Variants in SYN1 observed in about 807,000 individuals in gnomAD.
The protein encoded by SYN1 is synapsin-1.
SYN1 carries 8 observed loss-of-function variants against 44.6 expected under a neutral mutation model. That is an observed-to-expected ratio of 0.18 (90% CI 0.11 to 0.32). SYN1 has a LOEUF of 0.32. SYN1 is among the 10% of genes least tolerant of loss of function. SYN1 has a pLI of 1.00. For synonymous variants in SYN1, 275 were observed against 280.1 expected, an observed-to-expected ratio of 0.98 and a Z score of 0.18; for missense variants, 451 against 639.4, an observed-to-expected ratio of 0.71 and a Z score of 3.18.
At chrX:47,579,176 G>A in intron 5 of SYN1, among the ~76,000 whole-genome samples, 1 of 111,732 alleles carries the variant, frequency 8.9e-6, no homozygotes, top group Non-Finnish European at 1.9e-5. Flanking sequence ...CCAGAGAGCT[G>A]TGCGTACACA....
chrX:47,574,523 C>T lies in SYN1; in HGVS notation c.1461G>A (p.Pro487=). Reference sequence around the variant, plus strand: ...GGCCTGAAAGGTGCTGCTGGCCCTGCGGGGGCGGGCGCTGCTGCAATGGGG... The same window carrying T: ...GGCCTGAAAGGTGCTGCTGGCCCTGTGGGGGCGGGCGCTGCTGCAATGGGG... ...QGPPLQQRPP[P]QGQQHLSGLG... is the part of the protein sequence containing the mutation. The change falls in exon 12 of 13, where the codon CCG becomes CCA. Residue 487 remains proline, a synonymous_variant. Coordinates refer to ENST00000295987, the MANE Select transcript of SYN1 (RefSeq NM_006950.3). 9.3e-7 allele frequency: 1 copy of T among 1,079,562 alleles called. No homozygotes were observed. Among genetic ancestry groups the T allele is most frequent in the Non-Finnish European group, 1.2e-6 (1 of 835,891 alleles). The allele number at this position is 1,079,562 out of a possible 1,213,427, so 89.0% of individuals were successfully genotyped here.
intron 1 of SYN1, among the ~76,000 whole-genome samples, chrX:47,609,497 C>G (rs1273628278): frequency 2.7e-5 from 3 of 112,392 alleles, no homozygotes; most frequent in Non-Finnish European, 5.6e-5. Flanking sequence ...ACCCTCCTCA[C>G]AAGTGTTGAT....
At chrX:47,606,751 A>ATTTTTTTT (rs4066713) in intron 3 of SYN1, among the ~76,000 whole-genome samples, 194 bp downstream of exon 3, 1 of 93,255 alleles carries the variant, frequency 1.1e-5, no homozygotes, top group African/African-American at 4.0e-5. Flanking sequence ...ATATATATAT[A>ATTTTTTTT]TTTTTTTTTA....
At chrX:47,611,153 T>C (rs918140625) in intron 1 of SYN1, among the ~76,000 whole-genome samples, 1 of 111,789 alleles carries the variant, frequency 8.9e-6, no homozygotes, top group Non-Finnish European at 1.9e-5. Context: ...GCTGTTTCAG[T>C]AGGGAAGTCC....
chrX:47,604,304 G>C (rs1285349667), intron 5 of SYN1, among the ~76,000 whole-genome samples: 1 of 110,806 alleles, frequency 9.0e-6, no homozygotes, highest in African/African-American at 3.3e-5. Flanking sequence ...CCAAGCTGGA[G>C]TGCAGTGGCG....
chrX:47,583,017 TA>T (rs752868020), intron 5 of SYN1, among the ~76,000 whole-genome samples: 33 of 88,891 alleles, frequency 3.7e-4, no homozygotes, highest in African/African-American at 1.4e-3. Flanking sequence ...TTATATCTCT[TA>T]ATATACACAA....
chrX:47,583,436 G>T, intron 5 of SYN1: 1 of 1,207,035 alleles, frequency 8.3e-7, no homozygotes. Context: ...TTGAGCCCCT[G>T]GCTTCTGGCA....
At chrX:47,606,915 A>C in intron 3 of SYN1, 30 bp downstream of exon 3, 3 of 1,183,462 alleles carry the variant, frequency 2.5e-6, no homozygotes, top group Non-Finnish European at 3.4e-6. Flanking sequence ...TGCCTTGCTC[A>C]TAACACCAAG....
At position 47,615,939 on chromosome X, in the gene SYN1, TG is replaced by T. The variant is rs764617634; in HGVS notation, c.377+3412del. The stretch of plus-strand genomic sequence containing the variant: ...ACACAGGACAAAATTACCCACAAAA[TG>T]GGGGAGATGAGTCTCAACTTAGAGT... On this transcript the variant is annotated intron_variant, in intron 1 of 12. Coordinates refer to ENST00000295987, the MANE Select transcript of SYN1 (RefSeq NM_006950.3). Among the ~76,000 whole-genome samples the T allele has an allele frequency of 1.8e-4, 19 of 108,164 alleles. 1 individual carries two copies. Among genetic ancestry groups the T allele is most frequent in the Non-Finnish European group, 3.3e-4 (17 of 52,104 alleles). The allele number at this position is 108,164 out of a possible 115,157, so 93.9% of individuals were successfully genotyped here.
At chrX:47,580,364 C>T (rs2057792876) in intron 5 of SYN1, among the ~76,000 whole-genome samples, 1 of 109,103 alleles carries the variant, frequency 9.2e-6, no homozygotes, top group African/African-American at 3.3e-5. Flanking sequence ...GGTGCCGTAG[C>T]TCACGCATGT....
At chrX:47,589,539 T>C (rs1265713270) in intron 5 of SYN1, among the ~76,000 whole-genome samples, 1 of 93,228 alleles carries the variant, frequency 1.1e-5, no homozygotes, top group Non-Finnish European at 2.1e-5. Context: ...GAGCTTGCAG[T>C]GAGCTGAGAT....
At chrX:47,592,390 G>A (rs1301223937) in intron 5 of SYN1, among the ~76,000 whole-genome samples, 1 of 110,717 alleles carries the variant, frequency 9.0e-6, no homozygotes, top group Non-Finnish European at 1.9e-5. Context: ...TTCGTAAAAT[G>A]TCTGGTGGCA....
At position 47,607,153 on chromosome X, in the gene SYN1, A is replaced by C; in HGVS notation, c.423T>G (p.Ile141Met). 8.3e-7 allele frequency: 1 copy of C among 1,211,269 alleles called. No individual in the cohort carries two copies. Among genetic ancestry groups the C allele is most frequent in the East Asian group, 3.0e-5 (1 of 33,817 alleles). The change falls in exon 2 of 13, where the codon ATT becomes ATG. Residue 141 changes from isoleucine to methionine, a missense_variant. Coordinates refer to ENST00000295987, the MANE Select transcript of SYN1 (RefSeq NM_006950.3). ...TGTCCCAACTTACCTGTTCTACTTTAATGTCAATTTCTCCATGGATCTTTT... is the reference window on the plus strand; with the variant it reads ...TGTCCCAACTTACCTGTTCTACTTTCATGTCAATTTCTCCATGGATCTTTT... The part of the protein sequence containing the change: ...KGKKIHGEID[I>M]KVEQAEFSDL...
At chrX:47,586,544 C>T in intron 5 of SYN1, 1 of 1,211,899 alleles carries the variant, frequency 8.3e-7, no homozygotes, top group Non-Finnish European at 1.1e-6. Flanking sequence ...TATCCATCCC[C>T]TGCAAACTGC....
intron 5 of SYN1, among the ~76,000 whole-genome samples, chrX:47,601,972 A>C (rs1210032711): frequency 8.9e-6 from 1 of 112,513 alleles, no homozygotes; most frequent in Non-Finnish European, 1.9e-5. Flanking sequence ...CATGTCAATA[A>C]ACACAGAAGA....
rs34092010 is a variant in SYN1, at chrX:47,608,886, G to GACACACAC, written c.378-1696_378-1689dup. 4.0e-3 allele frequency among the ~76,000 whole-genome samples: 359 copies of GACACACAC among 89,534 alleles called. 2 individuals carry two copies. Among genetic ancestry groups the GACACACAC allele is most frequent in the Middle Eastern group, 5.5e-3 (1 of 181 alleles). The allele number at this position is 89,534 out of a possible 115,157, so 77.7% of individuals were successfully genotyped here. On this transcript the variant is annotated intron_variant, in intron 1 of 12. Coordinates refer to ENST00000295987, the MANE Select transcript of SYN1 (RefSeq NM_006950.3). ...ACACATACAATCAGGGTCTTGGACAGACACACACACACACACACACACACA... is the reference window on the plus strand; with the variant it reads ...ACACATACAATCAGGGTCTTGGACAGACACACACACACACACACACACACACACACACA...
chrX:47,581,033 T>C (rs754940823), intron 5 of SYN1, among the ~76,000 whole-genome samples: 2 of 111,625 alleles, frequency 1.8e-5, no homozygotes, highest in Admixed American at 9.5e-5. Flanking sequence ...ATCAACCAAA[T>C]AGTGTACATT....
Position 47,575,369 on chromosome X carries a change from C to G in SYN1, c.1159-95G>C, listed in dbSNP as rs957156820. ...TTCAGTTGGCCAAGGGCATGGCCGC[C>G]GCTGAGCCCCAGTGTCTGAGGCACT... On this transcript the variant is annotated intron_variant, in intron 9 of 12. Transcript: ENST00000295987. 4.9e-6 allele frequency: 5 copies of G among 1,021,410 alleles called. No individual in the cohort carries two copies. The East Asian group carries it at 1.6e-4, about 33-fold the overall frequency. The allele number at this position is 1,021,410 out of a possible 1,213,427, so 84.2% of individuals were successfully genotyped here. A position where few individuals can be genotyped will look rare whatever the true frequency, so the allele number is the denominator to read the frequency against.
intron 5 of SYN1, 93 bp downstream of exon 5, chrX:47,604,883 CTT>C: frequency 4.8e-6 from 4 of 830,079 alleles, no homozygotes; most frequent in Non-Finnish European, 7.0e-6. Flanking sequence ...CAGCCACACT[CTT>C]GATATCGCAC....
Sources: gnomAD v4.1 joint callset for allele counts (sites outside exome capture counted in the v4.1 genomes callset) on GRCh38, gnomAD v4.1.1 for gene constraint, MANE v1.5 for transcripts, NCBI Gene and HGNC (gene_info 2026-07-23, HGNC 2026-07-21) for gene names.